NAV3: variants seen among roughly 807,000 people sequenced by gnomAD.
NAV3 encodes neuron navigator 3.
Under a neutral mutation model 244.7 loss-of-function variants are expected in NAV3, and 87 were observed. The observed-to-expected ratio is 0.36, with a 90% CI of 0.30 to 0.42. The LOEUF (loss-of-function observed/expected upper bound fraction) is 0.42, where lower values mean the gene tolerates loss of function less well. NAV3 is among the 20% of genes least tolerant of loss of function. NAV3 has a pLI of 1.00. For missense variants in NAV3, 2,663 were observed against 2,893.3 expected (o/e 0.92, Z 1.83); for synonymous variants, 1,126 against 1,042.2 (o/e 1.08, Z -1.55).
chr12:77,794,731 G>A (rs1442868471), intron 2 of NAV3, among the ~76,000 whole-genome samples: 2 of 152,082 alleles, frequency 1.3e-5, no homozygotes, highest in East Asian at 1.9e-4. Context: ...TGATACTCAT[G>A]ATATTTCCAA....
intron 2 of NAV3, among the ~76,000 whole-genome samples, chr12:77,784,820 T>A (rs1048690127): frequency 6.6e-6 from 1 of 152,226 alleles, no homozygotes; most frequent in Non-Finnish European, 1.5e-5. Context: ...GGTAGTTATC[T>A]GCTAAGGGCA....
chr12:78,017,222 T>C (rs1166041399), intron 8 of NAV3, among the ~76,000 whole-genome samples: 2 of 152,132 alleles, frequency 1.3e-5, no homozygotes, highest in African/African-American at 4.8e-5. Context: ...CAAAAACAGG[T>C]AATAGCTCTC....
At chr12:77,771,460 C>T (rs1349741017) in intron 2 of NAV3, among the ~76,000 whole-genome samples, 2 of 151,206 alleles carry the variant, frequency 1.3e-5, no homozygotes, top group African/African-American at 4.8e-5. Flanking sequence ...AAGACACATG[C>T]ACATGCATGT....
At chr12:78,129,460 T>C (rs1956068046) in intron 18 of NAV3, among the ~76,000 whole-genome samples, 1 of 152,146 alleles carries the variant, frequency 6.6e-6, no homozygotes, top group Admixed American at 6.5e-5. Context: ...TTCAAATAGA[T>C]ACAATGAAAA....
In NAV3 at chr12:78,210,673, C is replaced by T. The variant is rs1189857646; in HGVS notation, c.*156C>T. 9.2e-6 allele frequency: 7 copies of T among 760,006 alleles called. No homozygotes were observed. Among genetic ancestry groups the T allele is most frequent in the African/African-American group, 3.6e-5 (2 of 56,032 alleles). The allele number at this position is 760,006 out of a possible 1,614,324, so 47.1% of individuals were successfully genotyped here. On this transcript the variant is annotated 3_prime_UTR_variant, in exon 40 of 40. Transcript: ENST00000397909. Reference sequence around the variant, plus strand: ...GGAGGCAGCAGAACTAAGTCTGAACCGCCAAGATGCTAAATTGCAATGGAA... The same window carrying T: ...GGAGGCAGCAGAACTAAGTCTGAACTGCCAAGATGCTAAATTGCAATGGAA...
At chr12:77,676,448 T>C (rs975529235) in intron 2 of NAV3, among the ~76,000 whole-genome samples, 2 of 152,170 alleles carry the variant, frequency 1.3e-5, no homozygotes, top group Non-Finnish European at 2.9e-5. Context: ...TTATAGTGGT[T>C]TTTATCTTTT....
intron 5 of NAV3, among the ~76,000 whole-genome samples, chr12:77,988,817 G>A (rs79302569): frequency 0.017 from 2,560 of 152,178 alleles, 43 homozygotes; most frequent in Non-Finnish European, 0.026. Flanking sequence ...ACTAGGACTC[G>A]GCAAGTTGGC....
chr12:77,729,722 C>T (rs1877039492), intron 2 of NAV3, among the ~76,000 whole-genome samples: 1 of 151,860 alleles, frequency 6.6e-6, no homozygotes, highest in South Asian at 2.1e-4. Context: ...AGATTTCCTC[C>T]ACAGCCAAAT....
chr12:77,772,259 G>C (rs998739589), intron 2 of NAV3, among the ~76,000 whole-genome samples: 1 of 152,094 alleles, frequency 6.6e-6, no homozygotes, highest in Non-Finnish European at 1.5e-5. Flanking sequence ...GGCATATCAA[G>C]AACTTTGCAT....
At chr12:77,692,261 G>T in intron 2 of NAV3, among the ~76,000 whole-genome samples, 1 of 151,942 alleles carries the variant, frequency 6.6e-6, no homozygotes, top group East Asian at 1.9e-4. Context: ...GTTCCATGAG[G>T]AATCCATAAT....
At chr12:77,616,725 GGC>G (rs1008830348) in intron 2 of NAV3, among the ~76,000 whole-genome samples, 4 of 141,638 alleles carry the variant, frequency 2.8e-5, no homozygotes, top group Non-Finnish European at 4.5e-5. Flanking sequence ...GCTACACACA[GGC>G]GCGCACACAC....
chr12:77,908,545 A>T lies in NAV3; in HGVS notation c.244-31774A>T, dbSNP rs527246623. 1.2e-4 allele frequency among the ~76,000 whole-genome samples: 18 copies of T among 152,184 alleles called. No homozygotes were observed. The South Asian group carries it at 3.7e-3, about 31-fold the overall frequency. The stretch of plus-strand genomic sequence containing the variant: ...AAAGAATATATCCCTGTTATTCTTT[A>T]GCTTCCAGTGTCTAGTTTTTTATGA... On this transcript the variant is annotated intron_variant, in intron 1 of 39. Coordinates refer to ENST00000397909, the MANE Select transcript of NAV3 (RefSeq NM_001024383.2).
chr12:77,927,869 TGA>T (rs1227198634), intron 1 of NAV3, among the ~76,000 whole-genome samples: 1 of 152,114 alleles, frequency 6.6e-6, no homozygotes, highest in Non-Finnish European at 1.5e-5. Context: ...AGTGTTTGAT[TGA>T]CTGTCTGTAT....
At chr12:77,683,850 A>G (rs1836431898) in intron 2 of NAV3, among the ~76,000 whole-genome samples, 1 of 152,008 alleles carries the variant, frequency 6.6e-6, no homozygotes, top group African/African-American at 2.4e-5. Context: ...CTGCTGATGG[A>G]CATTTGAGTT....
chr12:77,818,780 T>A (rs1872619383), intron 2 of NAV3, among the ~76,000 whole-genome samples: 1 of 152,104 alleles, frequency 6.6e-6, no homozygotes, highest in Non-Finnish European at 1.5e-5. Context: ...AGGAAATCAA[T>A]TTTTGTTCTT....
intron 14 of NAV3, among the ~76,000 whole-genome samples, 179 bp downstream of exon 14, chr12:78,118,476 C>T (rs1249919285): frequency 6.6e-6 from 1 of 152,088 alleles, no homozygotes. Context: ...CATAGAAGCC[C>T]AAGTAGGGCC....
chr12:77,860,497 G>A (rs999169941), intron 1 of NAV3, among the ~76,000 whole-genome samples: 10 of 151,494 alleles, frequency 6.6e-5, no homozygotes, highest in Non-Finnish European at 1.3e-4. Flanking sequence ...CTATTAAAAT[G>A]TTGCTGAGGT....
At chr12:78,189,223 A>G (rs558900664) in intron 33 of NAV3, among the ~76,000 whole-genome samples, 1 of 151,930 alleles carries the variant, frequency 6.6e-6, no homozygotes, top group South Asian at 2.1e-4. Context: ...AGTTCTGAGA[A>G]TTTTCTTTGC....
chr12:77,677,584 A>G (rs1477368013), intron 2 of NAV3, among the ~76,000 whole-genome samples: 1 of 152,228 alleles, frequency 6.6e-6, no homozygotes, highest in Non-Finnish European at 1.5e-5. Context: ...AAGTTATTCA[A>G]CTACTCTAAA....
Sources: allele counts gnomAD v4.1 joint callset (sites outside exome capture counted in the v4.1 genomes callset), GRCh38; gene constraint gnomAD v4.1.1; transcripts MANE v1.5; gene names NCBI Gene and HGNC (gene_info 2026-07-23, HGNC 2026-07-21).